Variants in CNTNAP4 observed in about 807,000 individuals in gnomAD.
The protein encoded by CNTNAP4 is contactin associated protein family member 4.
A neutral mutation model predicts 148.4 loss-of-function variants in CNTNAP4; 98 were observed. That is an observed-to-expected ratio of 0.66 (90% CI 0.56 to 0.78). The LOEUF is 0.78. Ranked by LOEUF, CNTNAP4 falls within the 30% of genes least tolerant of loss-of-function variation. The pLI, the probability that CNTNAP4 is intolerant of heterozygous loss-of-function variation, is 0.00. For missense variants in CNTNAP4, 1,935 were observed against 1,565.6 expected (o/e 1.24, Z -3.98); for synonymous variants, 730 against 565.1 (o/e 1.29, Z -4.14).
chr16:76,326,652 C>T (rs912836601), intron 2 of CNTNAP4, among the ~76,000 whole-genome samples: 3 of 152,052 alleles, frequency 2.0e-5, no homozygotes, highest in African/African-American at 7.2e-5. Flanking sequence ...TTTGTAGGGA[C>T]ATGGATAAAG....
intron 9 of CNTNAP4, among the ~76,000 whole-genome samples, chr16:76,462,786 A>T (rs73621009): frequency 1.3e-5 from 2 of 152,176 alleles, no homozygotes; most frequent in African/African-American, 4.8e-5. Context: ...TAGAAATCCA[A>T]TGTTTTAAAA....
chr16:76,441,343 C>A (rs1395538115), intron 4 of CNTNAP4, among the ~76,000 whole-genome samples: 1 of 152,172 alleles, frequency 6.6e-6, no homozygotes, highest in African/African-American at 2.4e-5. Context: ...TCTGACACAA[C>A]TCCCTGAAAG....
rs577493608 is a variant in CNTNAP4 at position 76,553,261 on chromosome 16, C to T, written c.3443-22C>T. The T allele has an allele frequency of 3.0e-5, 45 of 1,481,844 alleles. No homozygotes were observed. In the African/African-American group the frequency reaches 3.7e-4, roughly 12 times the overall value. 91.8% of individuals were successfully genotyped at this position (1,481,844 alleles called of 1,614,324 possible). ...TTTTCACTTTTCACTACTAATATTT[C>T]GGTGTTTCTTTGAATTTCTAGAACA... On this transcript the variant is annotated intron_variant, in intron 21 of 23. Transcript: ENST00000611870.
chr16:76,366,225 C>T (rs1168467369), intron 3 of CNTNAP4, among the ~76,000 whole-genome samples: 1 of 152,132 alleles, frequency 6.6e-6, no homozygotes, highest in Non-Finnish European at 1.5e-5. Context: ...ATTATTTTGT[C>T]AGCCAGGTAC....
At chr16:76,326,148 C>T (rs1962950526) in intron 2 of CNTNAP4, among the ~76,000 whole-genome samples, 1 of 151,990 alleles carries the variant, frequency 6.6e-6, no homozygotes, top group African/African-American at 2.4e-5. Flanking sequence ...ACCTTGATAC[C>T]AAACAGTGTC....
intron 13 of CNTNAP4, among the ~76,000 whole-genome samples, chr16:76,490,881 A>G (rs936393562): frequency 3.0e-4 from 46 of 152,194 alleles, no homozygotes; most frequent in African/African-American, 1.1e-3. Context: ...ACGTCTGTAC[A>G]ATAACGCTAC....
chr16:76,333,260 T>C (rs1549661), intron 2 of CNTNAP4, among the ~76,000 whole-genome samples: 26,781 of 152,114 alleles, frequency 0.18, 2,894 homozygotes, highest in East Asian at 0.32. Context: ...ATTAATCTTA[T>C]AGCCATGATG....
At chr16:76,501,770 A>G (rs548445915) in intron 15 of CNTNAP4, among the ~76,000 whole-genome samples, 19 of 152,262 alleles carry the variant, frequency 1.2e-4, no homozygotes, top group African/African-American at 4.3e-4. Context: ...GAGCTACTAC[A>G]TTAGCACTAA....
intron 12 of CNTNAP4, among the ~76,000 whole-genome samples, chr16:76,480,227 T>G (rs1240916321): frequency 6.6e-6 from 1 of 152,176 alleles, no homozygotes; most frequent in Non-Finnish European, 1.5e-5. Flanking sequence ...TAAAATACTC[T>G]AAACAATTTA....
intron 15 of CNTNAP4, among the ~76,000 whole-genome samples, chr16:76,500,482 T>G (rs2082589706): frequency 6.6e-6 from 1 of 152,230 alleles, no homozygotes; most frequent in South Asian, 2.1e-4. Context: ...AAAGCCTCAG[T>G]GCTAAACACA....
chr16:76,422,939 G>A (rs947922498), intron 3 of CNTNAP4, among the ~76,000 whole-genome samples: 1 of 152,238 alleles, frequency 6.6e-6, no homozygotes, highest in African/African-American at 2.4e-5. Flanking sequence ...CAACAAGATG[G>A]TATTAGGTGG....
At chr16:76,353,710 TC>T (rs2012173504) in intron 2 of CNTNAP4, among the ~76,000 whole-genome samples, 1 of 152,172 alleles carries the variant, frequency 6.6e-6, no homozygotes, top group Non-Finnish European at 1.5e-5. Context: ...CCTTATGCTG[TC>T]CTCTGGTGCA....
chr16:76,317,582 TCC>T (rs1407274995), intron 2 of CNTNAP4, among the ~76,000 whole-genome samples: 3 of 152,204 alleles, frequency 2.0e-5, no homozygotes, highest in African/African-American at 7.2e-5. Flanking sequence ...TTTTTGGTTC[TCC>T]CATTTATTAT....
chr16:76,373,494 A>C (rs796427643), intron 3 of CNTNAP4, among the ~76,000 whole-genome samples: 2 of 152,156 alleles, frequency 1.3e-5, no homozygotes, highest in Non-Finnish European at 2.9e-5. Context: ...TACTCCTTTC[A>C]GAAATGTTCA....
At chr16:76,352,130 C>G (rs906590016) in intron 2 of CNTNAP4, among the ~76,000 whole-genome samples, 1 of 152,126 alleles carries the variant, frequency 6.6e-6, no homozygotes, top group Non-Finnish European at 1.5e-5. Flanking sequence ...CCTTTCCTAA[C>G]TTTTTCTTGT....
At position 76,540,767 on chromosome 16, in the gene CNTNAP4, C is replaced by G. The variant is rs147050576; in HGVS notation, c.3419C>G (p.Ser1140Cys). The change falls in exon 21 of 24, where the codon TCT becomes TGT. Residue 1140 changes from serine (S) to cysteine (C), a missense_variant. Coordinates refer to ENST00000611870, the MANE Select transcript of CNTNAP4 (RefSeq NM_033401.5). ...SSGTEFSAVK[S>C]LVLGRILEHS... Reference sequence around the variant, plus strand: ...GGCACAGAATTCAGTGCAGTCAAATCTCTGGTATTGGGCAGGATTTTAGGT... The same window carrying G: ...GGCACAGAATTCAGTGCAGTCAAATGTCTGGTATTGGGCAGGATTTTAGGT... 2.8e-4 allele frequency: 448 copies of G among 1,573,234 alleles called. 1 individual carries two copies. The African/African-American group carries it at 4.5e-3, about 16-fold the overall frequency.
chr16:76,482,823 GAA>G (rs1020359014), intron 12 of CNTNAP4, among the ~76,000 whole-genome samples: 61 of 152,288 alleles, frequency 4.0e-4, no homozygotes, highest in African/African-American at 1.4e-3. Flanking sequence ...TGGGCCAATG[GAA>G]ATAATATCAT....
chr16:76,463,290 A>G (rs1164040650), intron 9 of CNTNAP4, among the ~76,000 whole-genome samples: 2 of 152,224 alleles, frequency 1.3e-5, no homozygotes, highest in Non-Finnish European at 2.9e-5. Context: ...AAGGAAATAA[A>G]TAGGCATATT....
rs183483504 is a variant in CNTNAP4, at chr16:76,465,154, C to T, written c.1484-2198C>T. On this transcript the variant is annotated intron_variant, in intron 9 of 23. Coordinates refer to ENST00000611870, the MANE Select transcript of CNTNAP4 (RefSeq NM_033401.5). ...ATAGCGATAATTTATCTGTTATCCT[C>T]GGAGGTGCTTAACATGCTGACTGCC... Among the ~76,000 whole-genome samples the T allele has an allele frequency of 2.8e-3, 425 of 152,288 alleles. 3 individuals are homozygous for T. The highest frequency in any genetic ancestry group is 3.3e-3 in the Non-Finnish European group (224 of 68,020).
Sources: allele counts gnomAD v4.1 joint callset (sites outside exome capture counted in the v4.1 genomes callset), GRCh38; gene constraint gnomAD v4.1.1; transcripts MANE v1.5; gene names NCBI Gene and HGNC (gene_info 2026-07-23, HGNC 2026-07-21).